RAB11FIP3: variants seen among roughly 807,000 people sequenced by gnomAD.
RAB11FIP3 encodes RAB11 family interacting protein 3.
A neutral mutation model predicts 77.8 loss-of-function variants in RAB11FIP3; 17 were observed. The ratio of observed to expected loss-of-function variants is 0.22; its 90% CI spans 0.15 to 0.33. RAB11FIP3 has a LOEUF of 0.33. Ranked by LOEUF, RAB11FIP3 falls within the 10% of genes least tolerant of loss-of-function variation. The probability of loss-of-function intolerance (pLI) is 1.00; values close to 1 mark genes in which losing one functional copy is unlikely to be tolerated. For missense variants in RAB11FIP3, 1,005 were observed against 1,011.2 expected (o/e 0.99, Z 0.08); for synonymous variants, 437 against 448.2 (o/e 0.98, Z 0.31).
At chr16:520,362 G>C in intron 12 of RAB11FIP3, 85 bp downstream of exon 12, 1 of 1,583,186 alleles carries the variant, frequency 6.3e-7, no homozygotes, top group Non-Finnish European at 8.6e-7. Flanking sequence ...TGGAGGGTCA[G>C]CATCTGAGCT....
intron 1 of RAB11FIP3, among the ~76,000 whole-genome samples, chr16:431,182 T>C (rs1334471048): frequency 6.6e-6 from 1 of 152,090 alleles, no homozygotes; most frequent in Non-Finnish European, 1.5e-5. Context: ...GATGTGTGTA[T>C]GTGGGAGTGG....
chr16:435,488 GTTA>G (rs2055112992), intron 1 of RAB11FIP3, among the ~76,000 whole-genome samples: 1 of 152,314 alleles, frequency 6.6e-6, no homozygotes, highest in Admixed American at 6.5e-5. Context: ...GCACTTCTAA[GTTA>G]TTATGATAGA....
At position 506,749 on chromosome 16, in the gene RAB11FIP3, C is replaced by G. The variant is rs961687053; in HGVS notation, c.1499+1122C>G. ...TAATTCTAACAAAGCAAAGCATGTG[C>G]TCTTGTGGAGTGAAGACCCTGGGCT... On this transcript the variant is annotated intron_variant, in intron 8 of 13. Transcript: ENST00000262305. This position sits in a 1 kb window ranked among gnomAD's most constrained non-coding sequence, Gnocchi z 4.5. 2.0e-5 allele frequency among the ~76,000 whole-genome samples: 3 copies of G among 152,242 alleles called. No homozygotes were observed. Among genetic ancestry groups the G allele is most frequent in the African/African-American group, 7.2e-5 (3 of 41,462 alleles).
chr16:440,610 C>T (rs533577916), intron 1 of RAB11FIP3, among the ~76,000 whole-genome samples: 107 of 152,326 alleles, frequency 7.0e-4, no homozygotes, highest in African/African-American at 2.3e-3. Flanking sequence ...CTTTGCTGGC[C>T]GTGTCCTGCC....
intron 5 of RAB11FIP3, among the ~76,000 whole-genome samples, chr16:496,143 A>G (rs2031109275): frequency 6.6e-6 from 1 of 152,224 alleles, no homozygotes; most frequent in Non-Finnish European, 1.5e-5. Context: ...TGTGAGTTCC[A>G]GGACCGTGAT....
At chr16:509,261 T>C (rs541427764) in intron 8 of RAB11FIP3, among the ~76,000 whole-genome samples, 1 of 152,386 alleles carries the variant, frequency 6.6e-6, no homozygotes, top group African/African-American at 2.4e-5. Flanking sequence ...CCTTGTTGTT[T>C]GTCTCTTCTG....
At chr16:493,060 G>A (rs1484485801) in intron 5 of RAB11FIP3, among the ~76,000 whole-genome samples, 1 of 152,098 alleles carries the variant, frequency 6.6e-6, no homozygotes, top group Non-Finnish European at 1.5e-5. Context: ...AGACCAGCCT[G>A]GCCAACATGG....
At chr16:492,503 GCCGC>G (rs2030617863) in intron 5 of RAB11FIP3, among the ~76,000 whole-genome samples, 3 of 100,368 alleles carry the variant, frequency 3.0e-5, no homozygotes, top group Non-Finnish European at 6.6e-5. Context: ...GAGACCCGAG[GCCGC>G]CCAGGGCCCT....
intron 1 of RAB11FIP3, among the ~76,000 whole-genome samples, chr16:443,178 T>A (rs2055254814): frequency 6.6e-6 from 1 of 152,108 alleles, no homozygotes; most frequent in Non-Finnish European, 1.5e-5. Context: ...GAGGAACACT[T>A]GGCTCTCTCT....
intron 5 of RAB11FIP3, among the ~76,000 whole-genome samples, chr16:494,988 G>T (rs796753332): frequency 1.3e-5 from 2 of 149,184 alleles, no homozygotes; most frequent in Admixed American, 6.6e-5. Context: ...GATCACATGA[G>T]CCGGGGAGGT....
rs545680059 is a variant in RAB11FIP3, at chr16:455,793, G to C, written c.715-5611G>C. ...TTTTGTAGAGATGAGGTTTCACCAT[G>C]TTGCCCAGGCTAGTCTGGAACTCTT... On this transcript the variant is annotated intron_variant, in intron 1 of 13. Transcript: ENST00000262305. Among the ~76,000 whole-genome samples, 3 of 152,210 alleles carry C rather than the reference G, an allele frequency of 2.0e-5. No homozygotes were observed. In the East Asian group the frequency reaches 5.8e-4, roughly 30 times the overall value.
At chr16:451,034 T>C (rs2055399769) in intron 1 of RAB11FIP3, among the ~76,000 whole-genome samples, 1 of 152,134 alleles carries the variant, frequency 6.6e-6, no homozygotes, top group Non-Finnish European at 1.5e-5. Context: ...TTCCTCATCA[T>C]GTTTGCTGAA....
intron 1 of RAB11FIP3, among the ~76,000 whole-genome samples, chr16:438,887 A>T (rs955958195): frequency 2.6e-5 from 4 of 152,064 alleles, no homozygotes; most frequent in African/African-American, 9.7e-5. Flanking sequence ...ACGGGGTTTC[A>T]CTATATTGGC....
intron 4 of RAB11FIP3, among the ~76,000 whole-genome samples, chr16:483,342 G>A (rs1260050968): frequency 1.3e-5 from 2 of 152,176 alleles, no homozygotes; most frequent in Non-Finnish European, 2.9e-5. Flanking sequence ...AGCCTCAGGC[G>A]TTGCTCAGTC....
intron 1 of RAB11FIP3, among the ~76,000 whole-genome samples, chr16:455,623 G>T (rs117763008): frequency 0.011 from 1,680 of 152,194 alleles, 13 homozygotes; most frequent in Non-Finnish European, 0.016. Flanking sequence ...GGGAGATAGG[G>T]TCTCACTCTG....
intron 1 of RAB11FIP3, among the ~76,000 whole-genome samples, chr16:427,030 G>C (rs1264935750): frequency 1.3e-5 from 2 of 151,870 alleles, no homozygotes; most frequent in Admixed American, 6.6e-5. Context: ...CAGGGGGCCT[G>C]ATCGCCACCC....
At chr16:517,463 G>A (rs1253102301) in intron 9 of RAB11FIP3, among the ~76,000 whole-genome samples, 2 of 152,200 alleles carry the variant, frequency 1.3e-5, no homozygotes, top group Non-Finnish European at 2.9e-5. Context: ...AGCTACTTGG[G>A]AGGCTGAGGC....
In RAB11FIP3 at chr16:492,361, CTT is replaced by C. The variant is rs1567391775; in HGVS notation, c.1265+3362_1265+3363del. On this transcript the variant is annotated intron_variant, in intron 5 of 13. Coordinates refer to ENST00000262305, the MANE Select transcript of RAB11FIP3 (RefSeq NM_014700.4). ...AGCAGAAGTGCTCTTTGAAGAGGGT[CTT>C]CCCGGGAGACCCGAGGCCGCCCAGA... 7.7e-4 allele frequency among the ~76,000 whole-genome samples: 107 copies of C among 139,246 alleles called. 4 individuals are homozygous for C. Among genetic ancestry groups the C allele is most frequent in the Middle Eastern group, 3.8e-3 (1 of 266 alleles). The allele number at this position is 139,246 out of a possible 152,430, so 91.4% of individuals were successfully genotyped here.
chr16:492,189 A>G (rs1310662721), intron 5 of RAB11FIP3, among the ~76,000 whole-genome samples: 1 of 152,126 alleles, frequency 6.6e-6, no homozygotes, highest in Non-Finnish European at 1.5e-5. Flanking sequence ...TTCCATTTCC[A>G]GGGCACTTAA....
Sources: gnomAD v4.1 joint callset for allele counts (sites outside exome capture counted in the v4.1 genomes callset) on GRCh38, gnomAD v4.1.1 for gene constraint, Gnocchi (gnomAD v3.1) non-coding constraint, MANE v1.5 for transcripts, NCBI Gene and HGNC (gene_info 2026-07-23, HGNC 2026-07-21) for gene names.